ATP9B: variants seen among roughly 807,000 people sequenced by gnomAD.
ATP9B encodes the protein probable phospholipid-transporting ATPase IIB.
Under a neutral mutation model 146.1 loss-of-function variants are expected in ATP9B, and 110 were observed. The ratio of observed to expected loss-of-function variants is 0.75; its 90% CI spans 0.65 to 0.88. ATP9B has a LOEUF of 0.88. Among genes scored for constraint, ATP9B ranks in the 40% least tolerant of loss-of-function variants. The pLI is 0.00. For synonymous variants in ATP9B, 604 were observed against 569.7 expected (o/e 1.06, Z -0.86); for missense variants, 1,499 against 1,496.4 (o/e 1.00, Z -0.03).
rs571590891 is a variant in ATP9B at position 79,101,183 on chromosome 18, C to T, written c.293+4534C>T. The stretch of plus-strand genomic sequence containing the variant: ...CTGCAGCCAAGATGCAGAACCATTC[C>T]AACCCCACAGGGAGCTTCCTGTGCC... On this transcript the variant is annotated intron_variant, in intron 2 of 29. Transcript: ENST00000426216. 5.9e-5 allele frequency among the ~76,000 whole-genome samples: 9 copies of T among 152,100 alleles called. No individual in the cohort carries two copies. In the East Asian group the frequency reaches 1.7e-3, roughly 29 times the overall value.
At chr18:79,200,925 T>A (rs945811354) in intron 9 of ATP9B, among the ~76,000 whole-genome samples, 3 of 152,178 alleles carry the variant, frequency 2.0e-5, no homozygotes, top group Non-Finnish European at 4.4e-5. Context: ...CCTGGCTGCT[T>A]TAGGACGGTC....
intron 13 of ATP9B, among the ~76,000 whole-genome samples, chr18:79,297,267 CAGAG>C (rs1164340995): frequency 7.0e-6 from 1 of 143,502 alleles, no homozygotes; most frequent in African/African-American, 2.6e-5. Context: ...AGAGAGAAGA[CAGAG>C]AGATGACCCA....
intron 18 of ATP9B, 119 bp downstream of exon 18, chr18:79,336,830 C>A: frequency 1.1e-6 from 1 of 946,110 alleles, no homozygotes; most frequent in Non-Finnish European, 1.6e-6. Flanking sequence ...GGAGTGAAGG[C>A]AGCTTCGCTC....
intron 7 of ATP9B, among the ~76,000 whole-genome samples, chr18:79,157,409 A>AAACAAAC (rs1555714798): frequency 6.8e-6 from 1 of 147,486 alleles, no homozygotes; most frequent in East Asian, 2.1e-4. Flanking sequence ...AAAAAAAAAA[A>AAACAAAC]AAAAAAAAAA....
intron 13 of ATP9B, among the ~76,000 whole-genome samples, chr18:79,302,840 A>G (rs999010964): frequency 1.3e-5 from 2 of 152,252 alleles, no homozygotes; most frequent in African/African-American, 4.8e-5. Flanking sequence ...TCAGCTAAAA[A>G]GACTTAATTT....
chr18:79,166,884 C>G (rs1254710390), intron 7 of ATP9B, among the ~76,000 whole-genome samples: 1 of 152,106 alleles, frequency 6.6e-6, no homozygotes, highest in Non-Finnish European at 1.5e-5. Flanking sequence ...GAGCCCAGAA[C>G]AGAGTGGCAA....
intron 15 of ATP9B, among the ~76,000 whole-genome samples, chr18:79,324,181 A>G (rs1400833647): frequency 6.6e-6 from 1 of 152,112 alleles, no homozygotes; most frequent in Non-Finnish European, 1.5e-5. Flanking sequence ...AGAATATACA[A>G]TGATCTGGTA....
At chr18:79,209,618 C>T (rs1237265541) in intron 10 of ATP9B, 2 of 983,418 alleles carry the variant, frequency 2.0e-6, no homozygotes, top group East Asian at 1.1e-4. Flanking sequence ...ATGCCGGCCC[C>T]ATCCTGTCCA....
At chr18:79,170,248 G>C (rs898040406) in intron 7 of ATP9B, among the ~76,000 whole-genome samples, 4 of 152,208 alleles carry the variant, frequency 2.6e-5, no homozygotes, top group Non-Finnish European at 5.9e-5. Context: ...GGGTGGCATC[G>C]ATTCCTAGTG....
intron 1 of ATP9B, among the ~76,000 whole-genome samples, chr18:79,090,262 C>T (rs969171584): frequency 5.9e-5 from 9 of 152,126 alleles, no homozygotes; most frequent in Admixed American, 5.9e-4. Context: ...TTGATAACAT[C>T]GATTTCCTTT....
Position 79,345,844 on chromosome 18 carries a change from G to C in ATP9B, c.2682+5G>C, listed in dbSNP as rs1401974640. ...GGGATTGGGATTGAGGGAAAGGTAG[G>C]TTCGCCCTTTTATCAACACATTAGC... On this transcript the variant is annotated splice_donor_5th_base_variant and intron_variant, in intron 23 of 29. Coordinates refer to ENST00000426216, the MANE Select transcript of ATP9B (RefSeq NM_198531.5). 1 of 1,614,184 alleles carries C rather than the reference G, an allele frequency of 6.2e-7. No individual in the cohort carries two copies. Among genetic ancestry groups the C allele is most frequent in the South Asian group, 1.1e-5 (1 of 91,090 alleles).
intron 1 of ATP9B, among the ~76,000 whole-genome samples, chr18:79,070,703 G>C (rs1334544024): frequency 6.6e-6 from 1 of 151,578 alleles, no homozygotes; most frequent in African/African-American, 2.4e-5. Flanking sequence ...TGTGGTGCAC[G>C]CACATTCAAG....
intron 7 of ATP9B, among the ~76,000 whole-genome samples, chr18:79,157,901 T>C (rs773369096): frequency 6.2e-4 from 94 of 152,214 alleles, no homozygotes; most frequent in Admixed American, 1.2e-3. Flanking sequence ...CTCTCTTTTT[T>C]TCTTGGTCAG....
intron 4 of ATP9B, among the ~76,000 whole-genome samples, chr18:79,120,470 ATAT>A (rs1020294179): frequency 2.0e-5 from 3 of 152,196 alleles, no homozygotes; most frequent in African/African-American, 2.4e-5. Context: ...GCTTTTGGTA[ATAT>A]TATTTATTAG....
intron 26 of ATP9B, chr18:79,361,029 G>A (rs886966629): frequency 4.6e-5 from 7 of 152,152 alleles, no homozygotes; most frequent in Admixed American, 3.3e-4. Context: ...ACAAACATAC[G>A]GGAACAAGCT....
At chr18:79,111,271 A>C (rs1394008742) in intron 3 of ATP9B, among the ~76,000 whole-genome samples, 1 of 152,116 alleles carries the variant, frequency 6.6e-6, no homozygotes, top group Non-Finnish European at 1.5e-5. Context: ...AGTTTTTGGC[A>C]TGTTTTATGT....
At chr18:79,231,052 G>C (rs1235575976) in intron 11 of ATP9B, among the ~76,000 whole-genome samples, 1 of 152,192 alleles carries the variant, frequency 6.6e-6, no homozygotes, top group Non-Finnish European at 1.5e-5. Context: ...ACAAATTCTA[G>C]AAGATAACAT....
intron 7 of ATP9B, among the ~76,000 whole-genome samples, chr18:79,169,692 A>G (rs1050081145): frequency 1.3e-5 from 2 of 152,192 alleles, no homozygotes; most frequent in African/African-American, 4.8e-5. Flanking sequence ...TATTTTGACC[A>G]TTATACCGTA....
At position 79,239,960 on chromosome 18, in the gene ATP9B, C is replaced by T. The variant is rs1427131020; in HGVS notation, c.1108-13421C>T. Among the ~76,000 whole-genome samples, 1 of 152,194 alleles carries T rather than the reference C, an allele frequency of 6.6e-6. No homozygotes were observed. The highest frequency in any genetic ancestry group is 1.5e-5 in the Non-Finnish European group (1 of 68,030). On this transcript the variant is annotated intron_variant, in intron 11 of 29. Coordinates refer to ENST00000426216, the MANE Select transcript of ATP9B (RefSeq NM_198531.5). This position sits in a 1 kb window ranked among gnomAD's most constrained non-coding sequence, Gnocchi z 5.1. Reference sequence around the variant, plus strand: ...AGCGGTGACCAGCAGATCACCACGCCTCAGGGGCCCCACACCCGCGGTCTC... The same window carrying T: ...AGCGGTGACCAGCAGATCACCACGCTTCAGGGGCCCCACACCCGCGGTCTC...
Sources: allele counts gnomAD v4.1 joint callset (sites outside exome capture counted in the v4.1 genomes callset), GRCh38; gene constraint gnomAD v4.1.1; non-coding constraint Gnocchi (gnomAD v3.1); transcripts MANE v1.5; gene names NCBI Gene and HGNC (gene_info 2026-07-23, HGNC 2026-07-21).